Variants in UCHL3 observed in about 807,000 individuals in gnomAD.
UCHL3 encodes the protein ubiquitin C-terminal hydrolase L3, also known as ubiquitin carboxyl-terminal hydrolase isozyme L3.
A neutral mutation model predicts 35.8 loss-of-function variants in UCHL3; 22 were observed. The ratio of observed to expected loss-of-function variants is 0.61; its 90% CI spans 0.44 to 0.88. The LOEUF (loss-of-function observed/expected upper bound fraction) is 0.88. Ranked by LOEUF, UCHL3 falls within the 40% of genes least tolerant of loss-of-function variation. The probability of loss-of-function intolerance (pLI) is 0.00; values close to 1 mark genes in which losing one functional copy is unlikely to be tolerated. For synonymous variants in UCHL3, 90 were observed against 92.8 expected, an observed-to-expected ratio of 0.97 and a Z score of 0.17; for missense variants, 229 against 276.9, an observed-to-expected ratio of 0.83 and a Z score of 1.23.
At chr13:75,594,323 G>C (rs763844137) in intron 6 of UCHL3, among the ~76,000 whole-genome samples, 1 of 151,886 alleles carries the variant, frequency 6.6e-6, no homozygotes, top group Non-Finnish European at 1.5e-5. Context: ...CCTTTTAATC[G>C]CCTAGGCTAT....
intron 2 of UCHL3, among the ~76,000 whole-genome samples, chr13:75,557,681 A>C (rs1212525065): frequency 6.6e-6 from 1 of 152,204 alleles, no homozygotes; most frequent in Non-Finnish European, 1.5e-5. Context: ...TATTTTTGGT[A>C]TAGTTTTAAG....
chr13:75,590,320 A>T, intron 6 of UCHL3: 1 of 850,778 alleles, frequency 1.2e-6, no homozygotes, highest in Non-Finnish European at 1.4e-6. Flanking sequence ...GTGCCTCAGA[A>T]CATCCATCTT....
chr13:75,558,783 ACAGTGCTAGG>A (rs2031380418), intron 2 of UCHL3, among the ~76,000 whole-genome samples: 1 of 152,184 alleles, frequency 6.6e-6, no homozygotes. Context: ...TCAGCCATGT[ACAGTGCTAGG>A]CAATGAGATT....
rs1156951930 is a variant in UCHL3 at position 75,569,209 on chromosome 13, A to C, written c.427-251A>C. The stretch of plus-strand genomic sequence containing the variant: ...AATAAGTTAAATGGCCCCTACTTAG[A>C]GCCTGGAAATTACAAATAATCAGAT... On this transcript the variant is annotated intron_variant, in intron 5 of 8. Coordinates refer to ENST00000377595, the MANE Select transcript of UCHL3 (RefSeq NM_006002.5). 8.9e-6 allele frequency: 3 copies of C among 338,900 alleles called. No individual in the cohort carries two copies. The East Asian group carries it at 1.4e-4, about 16-fold the overall frequency. The allele number at this position is 338,900 out of a possible 1,614,324, so 21.0% of individuals were successfully genotyped here.
At chr13:75,561,351 C>A (rs1423983083) in intron 3 of UCHL3, among the ~76,000 whole-genome samples, 1 of 152,002 alleles carries the variant, frequency 6.6e-6, no homozygotes, top group South Asian at 2.1e-4. Flanking sequence ...AATCTTAAAA[C>A]TTTTTATTAA....
At chr13:75,564,105 T>C (rs1418112490) in intron 3 of UCHL3, among the ~76,000 whole-genome samples, 1 of 152,186 alleles carries the variant, frequency 6.6e-6, no homozygotes, top group Non-Finnish European at 1.5e-5. Flanking sequence ...TTTGTTTCCA[T>C]ATCTTGGCTA....
At chr13:75,566,547 AGT>A (rs2138489597) in intron 3 of UCHL3, 146 bp from the exon 4 acceptor site, 1 of 532,810 alleles carries the variant, frequency 1.9e-6, no homozygotes, top group Non-Finnish European at 3.0e-6. Flanking sequence ...ATCTTTTGTC[AGT>A]CTGGTAGGTG....
At chr13:75,587,062 A>C (rs977692180) in intron 6 of UCHL3, among the ~76,000 whole-genome samples, 1 of 151,678 alleles carries the variant, frequency 6.6e-6, no homozygotes, top group Admixed American at 6.6e-5. Context: ...AAATGCATAA[A>C]AGGTAGAAAT....
intron 6 of UCHL3, among the ~76,000 whole-genome samples, chr13:75,592,441 T>TACACATATAC (rs1307738393): frequency 9.4e-5 from 10 of 106,736 alleles, no homozygotes; most frequent in African/African-American, 3.6e-4. Context: ...TATATATATA[T>TACACATATAC]ATATATATAT....
intron 6 of UCHL3, among the ~76,000 whole-genome samples, chr13:75,573,379 T>A (rs2031923057): frequency 1.3e-5 from 2 of 152,226 alleles, no homozygotes; most frequent in Non-Finnish European, 2.9e-5. Context: ...TGTCAGTTCC[T>A]ACAAAATACA....
intron 6 of UCHL3, among the ~76,000 whole-genome samples, chr13:75,593,000 C>A (rs1207633293): frequency 6.6e-6 from 1 of 152,132 alleles, no homozygotes; most frequent in Admixed American, 6.6e-5. Flanking sequence ...AGTTCTCTGA[C>A]TCCAGTTGTA....
At chr13:75,592,494 CTT>C (rs67777133) in intron 6 of UCHL3, among the ~76,000 whole-genome samples, 32 of 74,852 alleles carry the variant, frequency 4.3e-4, no homozygotes, top group Non-Finnish European at 5.5e-4. Context: ...CATCTATAGC[CTT>C]TTTTTTTTTT....
intron 3 of UCHL3, among the ~76,000 whole-genome samples, chr13:75,562,691 A>G (rs935476542): frequency 6.6e-6 from 1 of 152,168 alleles, no homozygotes; most frequent in African/African-American, 2.4e-5. Flanking sequence ...TTAGTGAGTC[A>G]TCAGCATTAA....
At chr13:75,577,060 G>C (rs2032045352) in intron 6 of UCHL3, among the ~76,000 whole-genome samples, 1 of 152,042 alleles carries the variant, frequency 6.6e-6, no homozygotes, top group Non-Finnish European at 1.5e-5. Flanking sequence ...GACCAGCCTG[G>C]GCAACATAGT....
At chr13:75,581,739 A>G (rs1466734629) in intron 6 of UCHL3, among the ~76,000 whole-genome samples, 1 of 149,334 alleles carries the variant, frequency 6.7e-6, no homozygotes, top group African/African-American at 2.5e-5. Flanking sequence ...TTTAGCCTTT[A>G]CAGCATTTCA....
intron 3 of UCHL3, among the ~76,000 whole-genome samples, chr13:75,565,312 A>G (rs78417507): frequency 0.035 from 5,280 of 152,284 alleles, 124 homozygotes; most frequent in Non-Finnish European, 0.051. Context: ...CCAGTTTTTT[A>G]TCAATCGAAC....
chr13:75,595,597 C>CAAAAAAAAAAAAAAAAAAA (rs58733406), intron 7 of UCHL3, among the ~76,000 whole-genome samples: 1 of 45,658 alleles, frequency 2.2e-5, no homozygotes, highest in Non-Finnish European at 3.3e-5. Flanking sequence ...TACTCCATCT[C>CAAAAAAAAAAAAAAAAAAA]AAAAAAAAAA....
At chr13:75,567,189 T>C (rs762139221) in intron 4 of UCHL3, 38 bp from the exon 5 acceptor site, 4 of 1,581,322 alleles carry the variant, frequency 2.5e-6, no homozygotes, top group Non-Finnish European at 3.5e-6. Flanking sequence ...CTCTGCTGTA[T>C]CAAGCCTTTT....
intron 6 of UCHL3, among the ~76,000 whole-genome samples, chr13:75,580,820 G>A (rs1040454672): frequency 1.3e-5 from 2 of 152,144 alleles, no homozygotes; most frequent in South Asian, 2.1e-4. Context: ...ACAGCTAGTA[G>A]GTACTCCTGT....
Sources: gnomAD v4.1 joint callset for allele counts (sites outside exome capture counted in the v4.1 genomes callset) on GRCh38, gnomAD v4.1.1 for gene constraint, MANE v1.5 for transcripts, NCBI Gene and HGNC (gene_info 2026-07-23, HGNC 2026-07-21) for gene names.